ANAPC4: variants seen among roughly 807,000 people sequenced by gnomAD.
ANAPC4 encodes the protein anaphase-promoting complex subunit 4.
ANAPC4 carries 63 observed loss-of-function variants against 119.8 expected under a neutral mutation model. That is an observed-to-expected ratio of 0.53 (90% confidence interval 0.43 to 0.65). The LOEUF (loss-of-function observed/expected upper bound fraction) is 0.65, where lower values mean the gene tolerates loss of function less well. ANAPC4 is among the 30% of genes least tolerant of loss of function. The pLI is 0.00. For synonymous variants in ANAPC4, 283 were observed against 318.6 expected (o/e 0.89, Z 1.19); for missense variants, 716 against 945.1 (o/e 0.76, Z 3.18).
At chr4:25,415,709 T>A in intron 26 of ANAPC4, 169 bp downstream of exon 26, 1 of 584,098 alleles carries the variant, frequency 1.7e-6, no homozygotes, top group Non-Finnish European at 3.0e-6. Flanking sequence ...ATGATTTGAC[T>A]TGTGATTGAA....
chr4:25,390,408 AT>A (rs1486299427), intron 8 of ANAPC4, among the ~76,000 whole-genome samples, 188 bp downstream of exon 8: 1 of 152,144 alleles, frequency 6.6e-6, no homozygotes, highest in Admixed American at 6.5e-5. Flanking sequence ...ATTGGGAGCT[AT>A]TTGTGGAATT....
intron 4 of ANAPC4, among the ~76,000 whole-genome samples, chr4:25,384,769 C>T (rs962116696): frequency 1.3e-5 from 2 of 150,698 alleles, no homozygotes; most frequent in Non-Finnish European, 3.0e-5. Flanking sequence ...GACCACTGCA[C>T]TCCAACCTGG....
At position 25,393,459 on chromosome 4, in the gene ANAPC4, C is replaced by T. The variant is rs192596973; in HGVS notation, c.790-346C>T. Among the ~76,000 whole-genome samples, 36 of 152,026 alleles carry T rather than the reference C, an allele frequency of 2.4e-4. No individual in the cohort carries two copies. The East Asian group carries it at 6.6e-3, about 28-fold the overall frequency. ...GGTGGATCACTTGAGGCTTGGAGTT[C>T]GAGACCAGCCTGGCCAACATGGTAA... On this transcript the variant is annotated intron_variant, in intron 10 of 28. Coordinates refer to ENST00000315368, the MANE Select transcript of ANAPC4 (RefSeq NM_013367.3).
At chr4:25,378,094 T>C (rs1721509489) in intron 2 of ANAPC4, among the ~76,000 whole-genome samples, 2 of 152,214 alleles carry the variant, frequency 1.3e-5, no homozygotes, top group African/African-American at 4.8e-5. Flanking sequence ...CACCCTCCAC[T>C]AAAAATACCT....
In ANAPC4 at chr4:25,377,282, G is replaced by C; in HGVS notation, c.-73G>C. On this transcript the variant is annotated 5_prime_UTR_variant, in exon 1 of 29. Transcript: ENST00000315368. ...GGCGGCCTGGAGGCTGTGGCGCGCG[G>C]CCGGCAGAGGGAGGGGAGAGGCCAC... The C allele has an allele frequency of 8.6e-7, 1 of 1,158,762 alleles. No homozygotes were observed. The highest frequency in any genetic ancestry group is 1.2e-6 in the Non-Finnish European group (1 of 854,694). The allele number at this position is 1,158,762 out of a possible 1,614,324, so 71.8% of individuals were successfully genotyped here. A position where few individuals can be genotyped will look rare whatever the true frequency, so the allele number is the denominator to read the frequency against.
intron 3 of ANAPC4, 156 bp downstream of exon 3, chr4:25,380,635 T>C (rs1721663867): frequency 4.3e-6 from 2 of 465,732 alleles, no homozygotes; most frequent in Non-Finnish European, 7.4e-6. Context: ...AATATTTTTA[T>C]AGAACTCAGA....
At chr4:25,396,627 G>C in intron 14 of ANAPC4, 37 bp from the exon 15 acceptor site, 2 of 1,440,688 alleles carry the variant, frequency 1.4e-6, no homozygotes, top group Non-Finnish European at 1.9e-6. Context: ...CTTGATGATC[G>C]TCATGATACT....
In ANAPC4 at chr4:25,417,732, CCT is replaced by C. The variant is rs1177786227; in HGVS notation, c.2193_2194del (p.Leu734LysfsTer11). ...GCTGGGAATGGTTTTCGAAAAGTGT[CCT>C]GTGTGGTAAGTGTTTAGAGATCGTT... On this transcript the variant is annotated frameshift_variant, in exon 28 of 29. Transcript: ENST00000315368. LOFTEE classifies it high-confidence loss of function. 6.2e-7 allele frequency: 1 copy of C among 1,610,524 alleles called. No homozygotes were observed. Among genetic ancestry groups the C allele is most frequent in the Non-Finnish European group, 8.5e-7 (1 of 1,178,818 alleles).
In ANAPC4 at chr4:25,418,462, TG is replaced by T; in HGVS notation, c.*81del. ...ACTAAGATGTCTTGGACCACCTTTG[TG>T]TAACAAAGAAATAAACAGTAAATTT... On this transcript the variant is annotated 3_prime_UTR_variant, in exon 29 of 29. Coordinates refer to ENST00000315368, the MANE Select transcript of ANAPC4 (RefSeq NM_013367.3). The T allele has an allele frequency of 8.5e-7, 1 of 1,183,298 alleles. No individual in the cohort carries two copies. The highest frequency in any genetic ancestry group is 1.2e-6 in the Non-Finnish European group (1 of 825,200). 73.3% of individuals were successfully genotyped at this position (1,183,298 alleles called of 1,614,324 possible). A position where few individuals can be genotyped will look rare whatever the true frequency, so the allele number is the denominator to read the frequency against.
intron 4 of ANAPC4, among the ~76,000 whole-genome samples, chr4:25,387,417 G>T (rs755490095): frequency 3.3e-5 from 5 of 152,192 alleles, no homozygotes; most frequent in African/African-American, 7.2e-5. Flanking sequence ...ACAAGGGTTT[G>T]ACCTGGGGTT....
intron 10 of ANAPC4, 29 bp from the exon 11 acceptor site, chr4:25,393,776 C>T: frequency 1.4e-6 from 2 of 1,442,432 alleles, no homozygotes; most frequent in Non-Finnish European, 1.9e-6. Flanking sequence ...ATATTTTTTA[C>T]CATTTCAATT....
chr4:25,417,463 CT>C, intron 27 of ANAPC4, 152 bp from the exon 28 acceptor site: 2 of 776,802 alleles, frequency 2.6e-6, no homozygotes, highest in Non-Finnish European at 3.7e-6. Context: ...TATATCACAG[CT>C]TTTTTTCTAA....
Position 25,391,056 on chromosome 4 carries a change from A to G in ANAPC4, c.705+41A>G, listed in dbSNP as rs368322155. 67 of 1,418,422 alleles carry G rather than the reference A, an allele frequency of 4.7e-5. No homozygotes were observed. In the Middle Eastern group the frequency reaches 6.5e-4, roughly 14 times the overall value. 87.9% of individuals were successfully genotyped at this position (1,418,422 alleles called of 1,614,324 possible). On this transcript the variant is annotated intron_variant, in intron 9 of 28. Coordinates refer to ENST00000315368, the MANE Select transcript of ANAPC4 (RefSeq NM_013367.3). ...TGATAACGGTAGAGAGTAAATATGTATTTAACAGGTTTTATATAGGTTTTT... is the reference window on the plus strand; with the variant it reads ...TGATAACGGTAGAGAGTAAATATGTGTTTAACAGGTTTTATATAGGTTTTT...
In ANAPC4 at chr4:25,417,598, G is replaced by GT. The variant is rs767399380; in HGVS notation, c.2076-11dup. On this transcript the variant is annotated splice_polypyrimidine_tract_variant and intron_variant, in intron 27 of 28. Coordinates refer to ENST00000315368, the MANE Select transcript of ANAPC4 (RefSeq NM_013367.3). Reference sequence around the variant, plus strand: ...AGATCCCCTTTTCATTCCTGAGTTGGTTTTTTTCCCTCTTTAGGCTAGATG... The same window carrying GT: ...AGATCCCCTTTTCATTCCTGAGTTGGTTTTTTTTCCCTCTTTAGGCTAGATG... The GT allele has an allele frequency of 2.6e-5, 40 of 1,567,756 alleles. No individual in the cohort carries two copies. The highest frequency in any genetic ancestry group is 3.6e-5 in the South Asian group (3 of 82,656).
chr4:25,403,562 C>T (rs1422326650), intron 17 of ANAPC4, among the ~76,000 whole-genome samples: 4 of 152,146 alleles, frequency 2.6e-5, no homozygotes, highest in African/African-American at 7.2e-5. Context: ...AAATAAGAGT[C>T]TCTGTCCTTG....
Position 25,417,561 on chromosome 4 carries a change from C to G in ANAPC4, c.2076-55C>G, listed in dbSNP as rs1021499372. The G allele has an allele frequency of 2.7e-6, 4 of 1,507,904 alleles. No homozygotes were observed. The African/African-American group carries it at 5.6e-5, about 21-fold the overall frequency. 93.4% of individuals were successfully genotyped at this position (1,507,904 alleles called of 1,614,324 possible). On this transcript the variant is annotated intron_variant, in intron 27 of 28. Transcript: ENST00000315368. The stretch of plus-strand genomic sequence containing the variant: ...GACCCTAATACCACCTGTAGTAAAA[C>G]TAGGGAGGATAAGATCCCCTTTTCA...
intron 2 of ANAPC4, 69 bp from the exon 3 acceptor site, chr4:25,380,305 G>T: frequency 3.2e-6 from 4 of 1,249,944 alleles, no homozygotes; most frequent in South Asian, 2.9e-5. Context: ...TTTTTAGTAG[G>T]GATCTAGGTT....
At position 25,416,518 on chromosome 4, in the gene ANAPC4, C is replaced by T; in HGVS notation, c.1995C>T (p.Leu665=). The change falls in exon 27 of 29, where the codon CTC becomes CTT. Residue 665 remains leucine, a synonymous_variant. Coordinates refer to ENST00000315368, the MANE Select transcript of ANAPC4 (RefSeq NM_013367.3). The stretch of plus-strand genomic sequence containing the variant: ...TAGGACGTGAAGGAAGAGATAGACT[C>T]TTGGTCCAGCTGCCTTTGTCTTTAG... ...DTVGREGRDR[L]LVQLPLSLVY... is the part of the protein sequence containing the mutation. 6.2e-7 allele frequency: 1 copy of T among 1,607,528 alleles called. No homozygotes were observed. The highest frequency in any genetic ancestry group is 8.5e-7 in the Non-Finnish European group (1 of 1,175,298).
At position 25,410,882 on chromosome 4, in the gene ANAPC4, T is replaced by C. The variant is rs202103874; in HGVS notation, c.1525+1091T>C. On this transcript the variant is annotated intron_variant, in intron 21 of 28. Transcript: ENST00000315368. Reference sequence around the variant, plus strand: ...TCCATCCCCAAGATATCTCATTATGTATATGCACATATTCCAAATTCCAAA... The same window carrying C: ...TCCATCCCCAAGATATCTCATTATGCATATGCACATATTCCAAATTCCAAA... Among the ~76,000 whole-genome samples the C allele has an allele frequency of 1.3e-4, 20 of 152,330 alleles. No individual in the cohort carries two copies. In the East Asian group the frequency reaches 3.5e-3, roughly 26 times the overall value.
Sources: allele counts gnomAD v4.1 joint callset (sites outside exome capture counted in the v4.1 genomes callset), GRCh38; gene constraint gnomAD v4.1.1; transcripts MANE v1.5; gene names NCBI Gene and HGNC (gene_info 2026-07-23, HGNC 2026-07-21).